The following GPC5 variants were observed in gnomAD, a reference collection of about 807,000 sequenced individuals.
GPC5 encodes the protein glypican-5.
Under a neutral mutation model 53.9 loss-of-function variants are expected in GPC5, and 47 were observed. That is an observed-to-expected ratio of 0.87 (90% CI 0.69 to 1.11). The LOEUF (loss-of-function observed/expected upper bound fraction) is 1.11. GPC5 is among the 50% of genes most tolerant of loss of function. GPC5 has a pLI of 0.00. For synonymous variants in GPC5, 286 were observed against 263.3 expected (o/e 1.09, Z -0.84); for missense variants, 748 against 713.1 (o/e 1.05, Z -0.56).
chr13:92,159,325 A>C (rs1341101449), intron 7 of GPC5, among the ~76,000 whole-genome samples: 2 of 152,138 alleles, frequency 1.3e-5, no homozygotes, highest in African/African-American at 4.8e-5. Context: ...GTCACTCCCC[A>C]GCCTCCAGAC....
At chr13:92,238,737 T>C (rs2042587930) in intron 7 of GPC5, among the ~76,000 whole-genome samples, 1 of 151,596 alleles carries the variant, frequency 6.6e-6, no homozygotes, top group Admixed American at 6.6e-5. Flanking sequence ...CTTGGTGGGG[T>C]TACTTTGAAA....
intron 7 of GPC5, among the ~76,000 whole-genome samples, chr13:92,742,323 C>T (rs911639049): frequency 1.9e-4 from 29 of 152,048 alleles, no homozygotes; most frequent in Non-Finnish European, 3.7e-4. Context: ...ATTTGTGTTT[C>T]TCTGATGGCC....
At chr13:91,942,896 A>G (rs955611761) in intron 6 of GPC5, among the ~76,000 whole-genome samples, 3 of 152,142 alleles carry the variant, frequency 2.0e-5, no homozygotes, top group African/African-American at 7.2e-5. Context: ...ATCCATATAC[A>G]TATTTAAGAA....
At chr13:91,728,701 AAAGT>A in intron 4 of GPC5, 36 bp downstream of exon 4, 1 of 1,592,046 alleles carries the variant, frequency 6.3e-7, no homozygotes. Flanking sequence ...AAGAGAAAAG[AAAGT>A]AAGCCATTAA....
intron 2 of GPC5, among the ~76,000 whole-genome samples, chr13:91,647,609 C>T (rs547768812): frequency 5.4e-4 from 82 of 152,304 alleles, no homozygotes; most frequent in African/African-American, 1.9e-3. Flanking sequence ...CTAGGAAAAA[C>T]GGGACTTCCA....
chr13:92,180,537 C>T (rs1001297519), intron 7 of GPC5, among the ~76,000 whole-genome samples: 2 of 151,964 alleles, frequency 1.3e-5, no homozygotes, highest in African/African-American at 4.8e-5. Context: ...TATTCATTAA[C>T]CAAAGGGATG....
chr13:92,646,318 C>T (rs1319832606), intron 7 of GPC5, among the ~76,000 whole-genome samples: 3 of 152,102 alleles, frequency 2.0e-5, no homozygotes, highest in African/African-American at 4.8e-5. Context: ...TTGTAGAATA[C>T]TAGCTGACTA....
intron 2 of GPC5, among the ~76,000 whole-genome samples, chr13:91,690,674 A>G (rs2035738768): frequency 6.6e-6 from 1 of 152,234 alleles, no homozygotes; most frequent in African/African-American, 2.4e-5. Context: ...TGAAATTTAT[A>G]AAGAAATATT....
chr13:92,274,378 G>T (rs1352296676), intron 7 of GPC5, among the ~76,000 whole-genome samples: 2 of 151,998 alleles, frequency 1.3e-5, no homozygotes, highest in African/African-American at 4.8e-5. Flanking sequence ...TTCATTTGTT[G>T]TGTCCTTTTT....
At chr13:92,190,564 T>C (rs1278537994) in intron 7 of GPC5, among the ~76,000 whole-genome samples, 1 of 152,122 alleles carries the variant, frequency 6.6e-6, no homozygotes, top group Non-Finnish European at 1.5e-5. Context: ...ATGATAATGA[T>C]ACAAGAGATA....
chr13:91,730,789 A>T (rs1380320243), intron 4 of GPC5, among the ~76,000 whole-genome samples: 1 of 152,174 alleles, frequency 6.6e-6, no homozygotes, highest in African/African-American at 2.4e-5. Context: ...TTTTTCTAGT[A>T]TGTAAAGGAA....
intron 6 of GPC5, among the ~76,000 whole-genome samples, chr13:92,007,222 T>C (rs768979906): frequency 5.9e-5 from 9 of 152,176 alleles, no homozygotes; most frequent in African/African-American, 2.2e-4. Context: ...CAGGCCAGCA[T>C]ACATATTTTA....
intron 7 of GPC5, among the ~76,000 whole-genome samples, chr13:92,457,808 C>T (rs1434907893): frequency 6.6e-6 from 1 of 152,144 alleles, no homozygotes; most frequent in Non-Finnish European, 1.5e-5. Context: ...CCATACATCT[C>T]TCCTCTCATC....
At chr13:92,217,929 T>TA (rs2042422724) in intron 7 of GPC5, among the ~76,000 whole-genome samples, 1 of 145,330 alleles carries the variant, frequency 6.9e-6, no homozygotes, top group African/African-American at 2.6e-5. Context: ...TTTTTTTTTT[T>TA]TTTTTTTAGG....
chr13:92,598,385 CA>C (rs1883943487), intron 7 of GPC5, among the ~76,000 whole-genome samples: 1 of 151,770 alleles, frequency 6.6e-6, no homozygotes, highest in African/African-American at 2.4e-5. Context: ...AATGTCAGAT[CA>C]AATTTTTTTT....
At chr13:92,219,080 G>A (rs2042431051) in intron 7 of GPC5, among the ~76,000 whole-genome samples, 1 of 151,954 alleles carries the variant, frequency 6.6e-6, no homozygotes, top group African/African-American at 2.4e-5. Context: ...CTGTTTCTAT[G>A]TGCTTTCCTC....
intron 7 of GPC5, among the ~76,000 whole-genome samples, chr13:92,434,296 T>C (rs1439107690): frequency 6.6e-6 from 1 of 152,174 alleles, no homozygotes; most frequent in African/African-American, 2.4e-5. Context: ...ATGACTATTT[T>C]TCTTGAGTCA....
At chr13:91,599,018 T>A (rs372832808) in intron 2 of GPC5, among the ~76,000 whole-genome samples, 2 of 152,156 alleles carry the variant, frequency 1.3e-5, no homozygotes, top group Non-Finnish European at 2.9e-5. Flanking sequence ...ATCTTTACTA[T>A]AATATTTTAA....
intron 3 of GPC5, among the ~76,000 whole-genome samples, chr13:91,716,436 A>G (rs2036340564): frequency 6.6e-6 from 1 of 152,178 alleles, no homozygotes; most frequent in African/African-American, 2.4e-5. Context: ...GTGAATATTT[A>G]AATGTTTTTC....
Sources: gnomAD v4.1 joint callset for allele counts (sites outside exome capture counted in the v4.1 genomes callset) on GRCh38, gnomAD v4.1.1 for gene constraint, MANE v1.5 for transcripts, NCBI Gene and HGNC (gene_info 2026-07-23, HGNC 2026-07-21) for gene names.